The following SMTN variants were observed in gnomAD, a reference collection of about 807,000 sequenced individuals.
SMTN encodes the protein smoothelin.
In SMTN, 58 loss-of-function variants were observed where a neutral mutation model predicts 102.0. That is an observed-to-expected ratio of 0.57 (90% confidence interval 0.46 to 0.71). The LOEUF (loss-of-function observed/expected upper bound fraction) is 0.71. Ranked by LOEUF, SMTN falls within the 30% of genes least tolerant of loss-of-function variation. The probability of loss-of-function intolerance (pLI) is 0.00; values close to 1 mark genes in which losing one functional copy is unlikely to be tolerated. For missense variants in SMTN, 1,185 were observed against 1,241.7 expected (o/e 0.95, Z 0.69); for synonymous variants, 478 against 497.9 (o/e 0.96, Z 0.53).
At chr22:31,099,639 C>T in intron 18 of SMTN, 106 bp from the exon 19 acceptor site, 1 of 1,230,186 alleles carries the variant, frequency 8.1e-7, no homozygotes, top group Non-Finnish European at 1.1e-6. Flanking sequence ...AGCTACGGGG[C>T]CTCTTTGTGC....
intron 1 of SMTN, among the ~76,000 whole-genome samples, chr22:31,074,265 G>A (rs1394615561): frequency 1.3e-5 from 2 of 152,130 alleles, no homozygotes; most frequent in Non-Finnish European, 2.9e-5. Context: ...TGTAGTCCCA[G>A]CTACTCGGGA....
intron 11 of SMTN, chr22:31,093,238 C>G (rs561159800): frequency 1.7e-4 from 46 of 266,118 alleles, no homozygotes; most frequent in Non-Finnish European, 3.3e-4. Flanking sequence ...CCCCCTCCCC[C>G]ACTGCCCCTT....
chr22:31,082,523 T>C (rs1307296937), intron 1 of SMTN: 1 of 485,978 alleles, frequency 2.1e-6, no homozygotes, highest in South Asian at 1.5e-5. Flanking sequence ...TCAGTTTGCC[T>C]GAAATCCAGG....
chr22:31,090,821 C>A lies in SMTN; in HGVS notation c.879C>A (p.Pro293=). The A allele has an allele frequency of 6.2e-7, 1 of 1,613,828 alleles. No homozygotes were observed. The highest frequency in any genetic ancestry group is 2.2e-5 in the East Asian group (1 of 44,882). ...SDTKRADVAG[P]RPCQRSLSVL... ...CCAACCTGCCAGACGTGGCTGGACC[C>A]CGACCCTGCCAACGCTCCCTGTCGG... Residue 293 remains proline (P), a synonymous_variant, in exon 9 of 21, where the codon CCC becomes CCA. Transcript: ENST00000333137.
chr22:31,104,130 CGA>C (rs1298063180), intron 20 of SMTN, 184 bp from the exon 21 acceptor site: 8 of 641,188 alleles, frequency 1.2e-5, no homozygotes, highest in Non-Finnish European at 2.1e-5. Context: ...TCCCCCGCCC[CGA>C]GAGATGCCTC....
At chr22:31,069,405 G>A (rs2041945109) in intron 1 of SMTN, among the ~76,000 whole-genome samples, 1 of 152,196 alleles carries the variant, frequency 6.6e-6, no homozygotes, top group African/African-American at 2.4e-5. Flanking sequence ...CCAGACCCAG[G>A]CTTGAGACTT....
Position 31,098,847 on chromosome 22 carries a change from T to C in SMTN, c.2333+7T>C. On this transcript the variant is annotated splice_region_variant and intron_variant, in intron 17 of 20. Coordinates refer to ENST00000333137, the MANE Select transcript of SMTN (RefSeq NM_134269.3). ...AGAAGGAGGGCGCGGCCGGGTGAGC[T>C]GCAGAAGTGGGCTGGGCAGTGGGGG... 6.3e-7 allele frequency: 1 copy of C among 1,591,716 alleles called. No individual in the cohort carries two copies. The highest frequency in any genetic ancestry group is 1.1e-5 in the South Asian group (1 of 89,790).
intron 11 of SMTN, chr22:31,093,483 C>T (rs1045705278): frequency 2.4e-5 from 15 of 628,994 alleles, no homozygotes; most frequent in Admixed American, 8.9e-5. Flanking sequence ...CTGAGCTGGC[C>T]GCAGCCCTTG....
At chr22:31,078,770 T>C (rs1287557117), upstream of SMTN, among the ~76,000 whole-genome samples, 6 of 152,162 alleles carry the variant, frequency 3.9e-5, no homozygotes, top group Non-Finnish European at 7.3e-5. Flanking sequence ...TCCTAGCCTC[T>C]TGGGAGGCTG....
rs554451508 is a variant in SMTN at position 31,104,462 on chromosome 22, T to C, written c.*167T>C. ...GAACTGCGCCTGCGCGGCAAGAATG[T>C]CTAGCCTGCCCGCCCGCATGGCCAG... On this transcript the variant is annotated 3_prime_UTR_variant, in exon 21 of 21. Transcript: ENST00000333137. 3 of 1,613,128 alleles carry C rather than the reference T, an allele frequency of 1.9e-6. No individual in the cohort carries two copies. Among genetic ancestry groups the C allele is most frequent in the African/African-American group, 2.7e-5 (2 of 74,998 alleles).
intron 1 of SMTN, among the ~76,000 whole-genome samples, chr22:31,070,085 G>A (rs998565745): frequency 1.4e-4 from 22 of 152,234 alleles, no homozygotes; most frequent in Admixed American, 9.2e-4. Context: ...TCCAGGTGTG[G>A]GGTAGTGAGG....
intron 1 of SMTN, chr22:31,066,191 G>A (rs2041844727): frequency 6.6e-6 from 1 of 152,154 alleles, no homozygotes; most frequent in African/African-American, 2.4e-5. Flanking sequence ...GTGGGTGTTG[G>A]GCAGGAGAAC....
intron 2 of SMTN, among the ~76,000 whole-genome samples, chr22:31,085,711 G>T (rs1435675996): frequency 6.6e-6 from 1 of 152,228 alleles, no homozygotes; most frequent in Non-Finnish European, 1.5e-5. Flanking sequence ...GTGGAACTCG[G>T]GACACACAGA....
intron 16 of SMTN, among the ~76,000 whole-genome samples, chr22:31,097,711 A>AATAG (rs1344431538): frequency 9.3e-5 from 12 of 128,946 alleles, no homozygotes; most frequent in Admixed American, 3.9e-4. Flanking sequence ...CTCAAAAATA[A>AATAG]ATAGATAAAT....
intron 19 of SMTN, among the ~76,000 whole-genome samples, 194 bp from the exon 20 acceptor site, chr22:31,100,691 G>A (rs1334351199): frequency 6.6e-6 from 1 of 152,200 alleles, no homozygotes; most frequent in Non-Finnish European, 1.5e-5. Context: ...CAGTGGGGAG[G>A]AGGCATGCGG....
intron 1 of SMTN, among the ~76,000 whole-genome samples, chr22:31,074,609 G>A (rs1421169118): frequency 1.3e-5 from 2 of 152,152 alleles, no homozygotes; most frequent in African/African-American, 2.4e-5. Context: ...GGACAACATG[G>A]TGAAATCCTG....
intron 19 of SMTN, 54 bp downstream of exon 19, chr22:31,099,950 C>G (rs924448325): frequency 1.1e-5 from 17 of 1,572,520 alleles, no homozygotes; most frequent in Non-Finnish European, 6.1e-6. Flanking sequence ...GGCTGGACAT[C>G]GGGACCAGGC....
chr22:31,095,190 G>A lies in SMTN; in HGVS notation c.1633-113G>A. On this transcript the variant is annotated intron_variant, in intron 11 of 20. Transcript: ENST00000333137. This position sits in a 1 kb window ranked among gnomAD's most constrained non-coding sequence, Gnocchi z 4.1. ...GGGCAGGCAGGCTGGCAGGCTAGTG[G>A]TTATTTCCAAGGCGTGCCAGCAACC... 2.7e-6 allele frequency: 3 copies of A among 1,117,224 alleles called. 1 individual carries two copies. The South Asian group carries it at 4.5e-5, about 17-fold the overall frequency. 69.2% of individuals were successfully genotyped at this position (1,117,224 alleles called of 1,614,324 possible).
At chr22:31,088,162 C>T in intron 3 of SMTN, 49 bp downstream of exon 3, 1 of 1,540,026 alleles carries the variant, frequency 6.5e-7, no homozygotes, top group Non-Finnish European at 8.8e-7. Context: ...AGTGTGAGCC[C>T]TGGCTCAGCT....
Sources: gnomAD v4.1 joint callset for allele counts (sites outside exome capture counted in the v4.1 genomes callset) on GRCh38, gnomAD v4.1.1 for gene constraint, Gnocchi (gnomAD v3.1) non-coding constraint, MANE v1.5 for transcripts, NCBI Gene and HGNC (gene_info 2026-07-23, HGNC 2026-07-21) for gene names.